Variants in INSC observed in about 807,000 individuals in gnomAD.
INSC encodes protein inscuteable homolog.
A neutral mutation model predicts 58.6 loss-of-function variants in INSC; 67 were observed. The ratio of observed to expected loss-of-function variants is 1.14; its 90% CI spans 0.94 to 1.40. The LOEUF is 1.40. Ranked by LOEUF, INSC falls within the 40% of genes most tolerant of loss-of-function variation. The pLI is 0.00. For missense variants in INSC, 714 were observed against 692.0 expected (o/e 1.03, Z -0.36); for synonymous variants, 262 against 276.1 (o/e 0.95, Z 0.51).
chr11:15,159,357 G>GA (rs1397813551), intron 2 of INSC, among the ~76,000 whole-genome samples: 3 of 152,172 alleles, frequency 2.0e-5, no homozygotes, highest in African/African-American at 7.2e-5. Flanking sequence ...GAGGTATCAG[G>GA]ATGGTAATGG....
chr11:15,249,762 A>G (rs911254542), downstream of INSC, among the ~76,000 whole-genome samples: 1 of 152,162 alleles, frequency 6.6e-6, no homozygotes, highest in African/African-American at 2.4e-5. Flanking sequence ...GCTCTGCCGC[A>G]TGGTTTTTCC....
intron 1 of INSC, among the ~76,000 whole-genome samples, chr11:15,119,503 CTGTT>C (rs1239429097): frequency 1.3e-5 from 2 of 152,260 alleles, no homozygotes; most frequent in African/African-American, 2.4e-5. Flanking sequence ...AGATCAGACT[CTGTT>C]TGGTGTGATG....
At chr11:15,178,825 T>C (rs941857099) in intron 5 of INSC, among the ~76,000 whole-genome samples, 11 of 152,314 alleles carry the variant, frequency 7.2e-5, no homozygotes, top group South Asian at 2.1e-4. Context: ...TGAGGTCTTT[T>C]GCTTTCCTGG....
At position 15,176,771 on chromosome 11, in the gene INSC, T is replaced by G. The variant is rs1291074372; in HGVS notation, c.403-340T>G. On this transcript the variant is annotated intron_variant, in intron 3 of 12. Coordinates refer to ENST00000379556, the MANE Select transcript of INSC (RefSeq NM_001042536.3). ...TCTCTTTCATCATTCTCATTTCACA[T>G]TAGTGCTTTGCCCTTTGCCTCGAAC... is the stretch of plus-strand genomic sequence containing the variant. Among the ~76,000 whole-genome samples the G allele has an allele frequency of 2.0e-5, 3 of 152,336 alleles. No homozygotes were observed. The East Asian group carries it at 5.8e-4, about 29-fold the overall frequency.
At chr11:15,174,651 C>G (rs1243813610) in intron 2 of INSC, among the ~76,000 whole-genome samples, 2 of 152,244 alleles carry the variant, frequency 1.3e-5, no homozygotes, top group African/African-American at 2.4e-5. Context: ...AAGGAACTTG[C>G]ACTCAGCCTT....
chr11:15,202,814 A>G (rs1280130955), intron 7 of INSC, among the ~76,000 whole-genome samples: 1 of 152,102 alleles, frequency 6.6e-6, no homozygotes, highest in Admixed American at 6.5e-5. Context: ...AGAGTTGAAA[A>G]CCTGTGCAGC....
At chr11:15,122,525 A>G (rs1847898020) in intron 1 of INSC, among the ~76,000 whole-genome samples, 1 of 152,168 alleles carries the variant, frequency 6.6e-6, no homozygotes, top group Non-Finnish European at 1.5e-5. Flanking sequence ...GTAGTTCTTC[A>G]TCCTACTGAA....
intron 2 of INSC, among the ~76,000 whole-genome samples, chr11:15,175,073 C>T (rs959591019): frequency 1.3e-5 from 2 of 151,998 alleles, no homozygotes; most frequent in African/African-American, 4.8e-5. Flanking sequence ...TACATGCTCA[C>T]TATAGAAAAT....
At chr11:15,123,438 G>T (rs1279041877) in intron 1 of INSC, among the ~76,000 whole-genome samples, 3 of 152,124 alleles carry the variant, frequency 2.0e-5, no homozygotes, top group African/African-American at 7.2e-5. Context: ...AATGAATGAA[G>T]ATTTATCATC....
chr11:15,200,977 G>A, intron 7 of INSC, 28 bp downstream of exon 7: 1 of 1,573,938 alleles, frequency 6.4e-7, no homozygotes, highest in Non-Finnish European at 8.6e-7. Context: ...GGTGGTGCCT[G>A]AGGTCCTCAA....
intron 2 of INSC, among the ~76,000 whole-genome samples, chr11:15,162,402 C>T (rs1272703572): frequency 6.6e-6 from 1 of 152,188 alleles, no homozygotes; most frequent in African/African-American, 2.4e-5. Flanking sequence ...ATTCTTTCAC[C>T]TCTTTGAAGT....
At chr11:15,151,946 C>A (rs1319506219) in intron 2 of INSC, among the ~76,000 whole-genome samples, 1 of 152,118 alleles carries the variant, frequency 6.6e-6, no homozygotes. Context: ...GTCAGGGTGG[C>A]AATACTGATT....
chr11:15,193,755 T>C (rs1850269047), intron 6 of INSC, among the ~76,000 whole-genome samples: 1 of 152,198 alleles, frequency 6.6e-6, no homozygotes, highest in South Asian at 2.1e-4. Context: ...TAAACATACG[T>C]GTGTATGTGT....
Position 15,225,823 on chromosome 11 carries a change from G to A in INSC, c.1165G>A (p.Asp389Asn). ...KQRVDTPYTR[D>N]QIVTILANMS... ...GAGAGTGGACACGCCTTACACTCGG[G>A]ACCAGGTAAGACGCCCAGAAGGCAC... is the stretch of plus-strand genomic sequence containing the variant. The change falls in exon 9 of 13, where the codon GAC becomes AAC. Residue 389 changes from aspartate (D) to asparagine (N), a missense_variant. Physicochemically the swap from Asp to Asn is conservative, Grantham distance 23 (BLOSUM62 1). Coordinates refer to ENST00000379556, the MANE Select transcript of INSC (RefSeq NM_001042536.3). 3.1e-6 allele frequency: 5 copies of A among 1,611,442 alleles called. No individual in the cohort carries two copies. The South Asian group carries it at 4.4e-5, about 14-fold the overall frequency.
intron 1 of INSC, among the ~76,000 whole-genome samples, chr11:15,124,342 G>T (rs1205486874): frequency 6.6e-6 from 1 of 152,158 alleles, no homozygotes; most frequent in Non-Finnish European, 1.5e-5. Flanking sequence ...TGGCCACACT[G>T]ATTACTCCTC....
At chr11:15,115,990 G>A (rs1035750901) in intron 1 of INSC, among the ~76,000 whole-genome samples, 4 of 152,144 alleles carry the variant, frequency 2.6e-5, no homozygotes, top group African/African-American at 9.7e-5. Context: ...GCCTCAGTGG[G>A]GAATATTTTA....
chr11:15,263,818 T>C, the INSC span, among the ~76,000 whole-genome samples: 2 of 152,154 alleles, frequency 1.3e-5, no homozygotes, highest in African/African-American at 4.8e-5. Flanking sequence ...TCCAGTTCCT[T>C]GCAGCTGTAA....
chr11:15,257,312 T>C, the INSC span, among the ~76,000 whole-genome samples: 1 of 152,160 alleles, frequency 6.6e-6, no homozygotes, highest in African/African-American at 2.4e-5. Context: ...ATTCATAAAA[T>C]AAAATACTAT....
chr11:15,132,049 T>G lies in INSC; in HGVS notation c.-46+17046T>G, dbSNP rs180888049. Among the ~76,000 whole-genome samples the G allele has an allele frequency of 1.5e-3, 235 of 152,290 alleles. 2 individuals are homozygous for G. Among genetic ancestry groups the G allele is most frequent in the Non-Finnish European group, 1.4e-3 (93 of 68,016 alleles). On this transcript the variant is annotated intron_variant, in intron 1 of 12. Transcript: ENST00000379556. ...TTATTACTCATTTATTTTTTCCTCCTCTACATAGTTGGAGGGAATTTTCTC... is the reference window on the plus strand; with the variant it reads ...TTATTACTCATTTATTTTTTCCTCCGCTACATAGTTGGAGGGAATTTTCTC...
Sources: gnomAD v4.1 joint callset for allele counts (sites outside exome capture counted in the v4.1 genomes callset) on GRCh38, gnomAD v4.1.1 for gene constraint, MANE v1.5 for transcripts, NCBI Gene and HGNC (gene_info 2026-07-23, HGNC 2026-07-21) for gene names.